The following TMED8 variants were observed in gnomAD, a reference collection of about 807,000 sequenced individuals.
TMED8 encodes the protein protein TMED8.
In TMED8, 15 loss-of-function variants were observed where a neutral mutation model predicts 32.7. The observed-to-expected ratio is 0.46, with a 90% CI of 0.31 to 0.71. The LOEUF (loss-of-function observed/expected upper bound fraction) is 0.71. Among genes scored for constraint, TMED8 ranks in the 30% least tolerant of loss-of-function variants. The probability of loss-of-function intolerance (pLI) is 0.06; values close to 1 mark genes in which losing one functional copy is unlikely to be tolerated. For missense variants in TMED8, 390 were observed against 423.9 expected (o/e 0.92, Z 0.70); for synonymous variants, 147 against 161.4 (o/e 0.91, Z 0.68).
In TMED8 at chr14:77,336,415, G is replaced by A. The variant is rs1892761292; in HGVS notation, c.*5356C>T. 1.3e-5 allele frequency: 2 copies of A among 152,252 alleles called. No homozygotes were observed. The highest frequency in any genetic ancestry group is 4.1e-4 in the South Asian group (2 of 4,828). The allele number at this position is 152,252 out of a possible 1,614,324, so 9.4% of individuals were successfully genotyped here. ...AGCCAGTGTCTTGCCTTTGGACTGT[G>A]TGTGTGAGGCATGCCTATTTGTAAA... On this transcript the variant is annotated 3_prime_UTR_variant, in exon 6 of 6. Coordinates refer to ENST00000216468, the MANE Select transcript of TMED8 (RefSeq NM_213601.3).
intron 1 of TMED8, among the ~76,000 whole-genome samples, chr14:77,353,468 G>T (rs1893225794): frequency 6.8e-6 from 1 of 146,890 alleles, no homozygotes; most frequent in Non-Finnish European, 1.5e-5. Flanking sequence ...AGGGGGACAG[G>T]GTCTCCCTCT....
chr14:77,346,202 T>A, intron 3 of TMED8, 147 bp downstream of exon 3: 1 of 783,080 alleles, frequency 1.3e-6, no homozygotes, highest in Non-Finnish European at 2.0e-6. Flanking sequence ...CTCCAAAAAA[T>A]AATGAAGACC....
At chr14:77,360,578 C>A (rs1665885201) in intron 1 of TMED8, among the ~76,000 whole-genome samples, 1 of 152,140 alleles carries the variant, frequency 6.6e-6, no homozygotes, top group Admixed American at 6.5e-5. Context: ...TGTATGCACA[C>A]CACAGCTTCT....
rs1270440286 is a variant in TMED8 at position 77,341,232 on chromosome 14, G to A, written c.*539C>T. On this transcript the variant is annotated 3_prime_UTR_variant, in exon 6 of 6. Transcript: ENST00000216468. ...CCTCCAAAGGCAGTGTGGTCTCCCA[G>A]CTATGCAGAGACCAAGAATAACCAG... 1 of 160,940 alleles carries A rather than the reference G, an allele frequency of 6.2e-6. No homozygotes were observed. Among genetic ancestry groups the A allele is most frequent in the Admixed American group, 5.9e-5 (1 of 16,914 alleles). 10.0% of individuals were successfully genotyped at this position (160,940 alleles called of 1,614,324 possible).
At chr14:77,345,753 T>C (rs973233372) in intron 3 of TMED8, among the ~76,000 whole-genome samples, 1 of 151,228 alleles carries the variant, frequency 6.6e-6, no homozygotes, top group African/African-American at 2.4e-5. Flanking sequence ...GTGGATCACC[T>C]GAGGTCAGGA....
rs1258405659 is a variant in TMED8 at position 77,336,157 on chromosome 14, C to A, written c.*5614G>T. 1 of 152,148 alleles carries A rather than the reference C, an allele frequency of 6.6e-6. No individual in the cohort carries two copies. The highest frequency in any genetic ancestry group is 2.4e-5 in the African/African-American group (1 of 41,436). The allele number at this position is 152,148 out of a possible 1,614,324, so 9.4% of individuals were successfully genotyped here. A position where few individuals can be genotyped will look rare whatever the true frequency, so the allele number is the denominator to read the frequency against. On this transcript the variant is annotated 3_prime_UTR_variant, in exon 6 of 6. Coordinates refer to ENST00000216468, the MANE Select transcript of TMED8 (RefSeq NM_213601.3). ...CTATTTCAGGACTTTAGAAAATATA[C>A]TTTGTCCTCTGGAAGCAATTTCACA...
chr14:77,343,923 C>T (rs1892971376), intron 3 of TMED8, 100 bp from the exon 4 acceptor site: 1 of 1,251,840 alleles, frequency 8.0e-7, no homozygotes, highest in Non-Finnish European at 1.1e-6. Context: ...ATTATCTCCA[C>T]TATCCCCACT....
intron 2 of TMED8, among the ~76,000 whole-genome samples, chr14:77,346,987 T>G (rs753199326): frequency 3.3e-5 from 5 of 152,140 alleles, no homozygotes; most frequent in Non-Finnish European, 5.9e-5. Flanking sequence ...TACATTGTTA[T>G]TAACTATTGT....
At chr14:77,370,391 A>G (rs1018395477) in intron 1 of TMED8, among the ~76,000 whole-genome samples, 2 of 152,218 alleles carry the variant, frequency 1.3e-5, no homozygotes, top group Admixed American at 1.3e-4. Context: ...AAGGAGACTT[A>G]TAACCTTTTA....
Position 77,340,705 on chromosome 14 carries a change from C to T in TMED8, c.*1066G>A, listed in dbSNP as rs2139598910. ...CAGCAATAGTGAAGCTTCATTATCA[C>T]CTAAACTAAGGGACTTTGAACACCA... On this transcript the variant is annotated 3_prime_UTR_variant, in exon 6 of 6. Transcript: ENST00000216468. 6.6e-6 allele frequency: 1 copy of T among 152,294 alleles called. No homozygotes were observed. The highest frequency in any genetic ancestry group is 2.1e-4 in the South Asian group (1 of 4,828). The allele number at this position is 152,294 out of a possible 1,614,324, so 9.4% of individuals were successfully genotyped here.
At chr14:77,352,678 G>A (rs557713573) in intron 1 of TMED8, among the ~76,000 whole-genome samples, 1 of 152,260 alleles carries the variant, frequency 6.6e-6, no homozygotes, top group African/African-American at 2.4e-5. Context: ...GGTGGAGGTT[G>A]CAGTGAGCTG....
Position 77,337,895 on chromosome 14 carries a change from G to C in TMED8, c.*3876C>G, listed in dbSNP as rs996684063. On this transcript the variant is annotated 3_prime_UTR_variant, in exon 6 of 6. Coordinates refer to ENST00000216468, the MANE Select transcript of TMED8 (RefSeq NM_213601.3). ...AGTTTAAAATTTTTACATTTATGCG[G>C]GGAGTGTGTGTATACATATATATAC... 7 of 152,158 alleles carry C rather than the reference G, an allele frequency of 4.6e-5. No individual in the cohort carries two copies. The highest frequency in any genetic ancestry group is 1.4e-4 in the African/African-American group (6 of 41,436). 9.4% of individuals were successfully genotyped at this position (152,158 alleles called of 1,614,324 possible). A position where few individuals can be genotyped will look rare whatever the true frequency, so the allele number is the denominator to read the frequency against.
intron 5 of TMED8, among the ~76,000 whole-genome samples, chr14:77,342,707 G>C (rs1195299873): frequency 6.6e-6 from 1 of 152,152 alleles, no homozygotes; most frequent in Non-Finnish European, 1.5e-5. Flanking sequence ...AACTTGTCTG[G>C]GCATGAAGTA....
At position 77,340,380 on chromosome 14, in the gene TMED8, T is replaced by A. The variant is rs1054126742; in HGVS notation, c.*1391A>T. On this transcript the variant is annotated 3_prime_UTR_variant, in exon 6 of 6. Transcript: ENST00000216468. ...AAACTGTTTCAAAGGCAAAATGAAA[T>A]GTGCTAAAAAAATAAATACAGTAAT... The A allele has an allele frequency of 3.9e-5, 6 of 152,130 alleles. No individual in the cohort carries two copies. The highest frequency in any genetic ancestry group is 1.4e-4 in the African/African-American group (6 of 41,402). 9.4% of individuals were successfully genotyped at this position (152,130 alleles called of 1,614,324 possible).
chr14:77,341,960 T>C lies in TMED8; in HGVS notation c.789A>G (p.Arg263=). The change falls in exon 6 of 6, where the codon AGA becomes AGG. Residue 263 remains arginine (R), a synonymous_variant. Transcript: ENST00000216468. ...EEPVPAGDVE[R]GSRSSLRGRY... ...GACCCCGCAAGGAGCTCCTGGAGCC[T>C]CTCTCCACATCTCCAGCTGGAACGG... 6.2e-7 allele frequency: 1 copy of C among 1,613,890 alleles called. No individual in the cohort carries two copies. The highest frequency in any genetic ancestry group is 2.2e-5 in the East Asian group (1 of 44,864).
At chr14:77,342,665 A>C (rs1489358033) in intron 5 of TMED8, among the ~76,000 whole-genome samples, 3 of 152,218 alleles carry the variant, frequency 2.0e-5, no homozygotes, top group Non-Finnish European at 4.4e-5. Flanking sequence ...ACTACAAATA[A>C]CAGCCGGAAT....
chr14:77,372,909 TATATATATATATATA>T (rs1893706267), intron 1 of TMED8, among the ~76,000 whole-genome samples: 4 of 8,032 alleles, frequency 5.0e-4, no homozygotes, highest in South Asian at 4.0e-3. Context: ...ACAGATATTA[TATATATATATATATA>T]TATATATATA....
At chr14:77,342,657 T>C (rs776078260) in intron 5 of TMED8, among the ~76,000 whole-genome samples, 17 of 152,186 alleles carry the variant, frequency 1.1e-4, no homozygotes, top group Non-Finnish European at 2.5e-4. Context: ...GTGTAGACAC[T>C]ACAAATAACA....
At chr14:77,357,703 T>C (rs540566034) in intron 1 of TMED8, among the ~76,000 whole-genome samples, 95 of 152,354 alleles carry the variant, frequency 6.2e-4, no homozygotes, top group African/African-American at 2.2e-3. Context: ...GGCTCTTGTG[T>C]CCTTTTAAGA....
Sources: gnomAD v4.1 joint callset for allele counts (sites outside exome capture counted in the v4.1 genomes callset) on GRCh38, gnomAD v4.1.1 for gene constraint, MANE v1.5 for transcripts, NCBI Gene and HGNC (gene_info 2026-07-23, HGNC 2026-07-21) for gene names.